The following UBA6 variants were observed in gnomAD, a reference collection of about 807,000 sequenced individuals.
The protein encoded by UBA6 is ubiquitin like modifier activating enzyme 6.
In UBA6, 87 loss-of-function variants were observed where a neutral mutation model predicts 148.3. The ratio of observed to expected loss-of-function variants is 0.59; its 90% CI spans 0.49 to 0.70. The LOEUF is 0.70. Ranked by LOEUF, UBA6 falls within the 30% of genes least tolerant of loss-of-function variation. The pLI is 0.00. For missense variants in UBA6, 1,186 were observed against 1,241.2 expected, an observed-to-expected ratio of 0.96 and a Z score of 0.67; for synonymous variants, 376 against 401.0, an observed-to-expected ratio of 0.94 and a Z score of 0.75.
In UBA6 at chr4:67,623,117, T is replaced by C. The variant is rs764903672; in HGVS notation, c.2928+18A>G. 1 of 1,584,806 alleles carries C rather than the reference T, an allele frequency of 6.3e-7. No individual in the cohort carries two copies. Among genetic ancestry groups the C allele is most frequent in the Non-Finnish European group, 8.6e-7 (1 of 1,158,272 alleles). ...GACATAAAGCTACTAATGAACTAAA[T>C]GAACAAAAGTATCTCACTTTGACTG... On this transcript the variant is annotated intron_variant, in intron 31 of 32. Coordinates refer to ENST00000322244, the MANE Select transcript of UBA6 (RefSeq NM_018227.6).
Position 67,616,238 on chromosome 4 carries a change from G to A in UBA6, c.*2759C>T. The A allele has an allele frequency of 2.5e-6, 1 of 392,258 alleles. No homozygotes were observed. The highest frequency in any genetic ancestry group is 4.5e-6 in the Non-Finnish European group (1 of 222,818). The allele number at this position is 392,258 out of a possible 1,614,324, so 24.3% of individuals were successfully genotyped here. Reference sequence around the variant, plus strand: ...AGTAAAATCGCTAAATCCATACACAGTGATTATATAAAATTAGATATTTGC... The same window carrying A: ...AGTAAAATCGCTAAATCCATACACAATGATTATATAAAATTAGATATTTGC... On this transcript the variant is annotated 3_prime_UTR_variant, in exon 33 of 33. Coordinates refer to ENST00000322244, the MANE Select transcript of UBA6 (RefSeq NM_018227.6).
At chr4:67,624,965 C>A (rs938433846) in intron 29 of UBA6, 29 bp downstream of exon 29, 5 of 1,548,512 alleles carry the variant, frequency 3.2e-6, no homozygotes, top group African/African-American at 1.4e-5. Context: ...GAAAAAGGAG[C>A]ATTTTTATTC....
intron 6 of UBA6, 27 bp from the exon 7 acceptor site, chr4:67,673,804 CT>C: frequency 6.7e-7 from 1 of 1,492,188 alleles, no homozygotes. Context: ...AAATTAAAAA[CT>C]AGAAAATACA....
At chr4:67,658,760 G>A (rs536984269) in intron 13 of UBA6, among the ~76,000 whole-genome samples, 1 of 152,154 alleles carries the variant, frequency 6.6e-6, no homozygotes, top group African/African-American at 2.4e-5. Context: ...ATAGAAACCA[G>A]ACTCAAAAGA....
intron 19 of UBA6, 48 bp downstream of exon 19, chr4:67,638,895 G>A: frequency 7.1e-7 from 1 of 1,401,996 alleles, no homozygotes; most frequent in Non-Finnish European, 9.9e-7. Context: ...GGAAACAGAA[G>A]TGAAAACTAA....
chr4:67,630,460 T>C lies in UBA6; in HGVS notation c.2328+6A>G. The C allele has an allele frequency of 6.3e-7, 1 of 1,578,726 alleles. No individual in the cohort carries two copies. Among genetic ancestry groups the C allele is most frequent in the Non-Finnish European group, 8.6e-7 (1 of 1,160,248 alleles). On this transcript the variant is annotated splice_donor_region_variant and intron_variant, in intron 26 of 32. Transcript: ENST00000322244. ...ATCACTTGCTAAGGCTTAAAGAATA[T>C]CTTACCTCTTCTGCAAATGGAATAC...
intron 32 of UBA6, among the ~76,000 whole-genome samples, chr4:67,622,403 T>C (rs1728771325): frequency 6.6e-6 from 1 of 152,238 alleles, no homozygotes; most frequent in South Asian, 2.1e-4. Context: ...GCCTTATTGT[T>C]ATGCAAACTC....
chr4:67,670,230 C>A (rs1023911226), intron 8 of UBA6, among the ~76,000 whole-genome samples: 10 of 152,316 alleles, frequency 6.6e-5, no homozygotes, highest in African/African-American at 2.4e-4. Flanking sequence ...AGGCGTGAGC[C>A]ACCATGCCTG....
At chr4:67,676,009 A>G (rs1730270268) in intron 6 of UBA6, among the ~76,000 whole-genome samples, 1 of 142,452 alleles carries the variant, frequency 7.0e-6, no homozygotes, top group African/African-American at 2.6e-5. Flanking sequence ...TATGGCCATT[A>G]TAGTACTACC....
At chr4:67,625,321 AT>A in intron 28 of UBA6, 134 bp from the exon 29 acceptor site, 2 of 682,650 alleles carry the variant, frequency 2.9e-6, no homozygotes, top group Non-Finnish European at 4.4e-6. Flanking sequence ...CATAAGAAAA[AT>A]TCAGGCAACT....
intron 18 of UBA6, among the ~76,000 whole-genome samples, chr4:67,640,790 C>T (rs549616375): frequency 6.6e-6 from 1 of 152,188 alleles, no homozygotes; most frequent in African/African-American, 2.4e-5. Context: ...AAACTTTTAT[C>T]TGATTTATGA....
rs751430478 is a variant in UBA6, at chr4:67,670,613, G to A, written c.547-21C>T. On this transcript the variant is annotated intron_variant, in intron 7 of 32. Transcript: ENST00000322244. ...ATAAACTGTAAAATGGCAAAAACAA[G>A]TTCAATCTTATTTATATAAAGAAAA... 3.8e-6 allele frequency: 6 copies of A among 1,581,324 alleles called. No individual in the cohort carries two copies. The South Asian group carries it at 6.9e-5, about 18-fold the overall frequency.
At chr4:67,681,100 C>CA (rs1455971707) in intron 4 of UBA6, among the ~76,000 whole-genome samples, 1 of 152,134 alleles carries the variant, frequency 6.6e-6, no homozygotes, top group Non-Finnish European at 1.5e-5. Context: ...TATGAGACAA[C>CA]AAATGTTGCT....
At chr4:67,651,490 T>C (rs1444074048) in intron 13 of UBA6, among the ~76,000 whole-genome samples, 1 of 152,126 alleles carries the variant, frequency 6.6e-6, no homozygotes, top group Non-Finnish European at 1.5e-5. Flanking sequence ...TCTAACAGTA[T>C]GAAAATTCGG....
intron 30 of UBA6, 44 bp downstream of exon 30, chr4:67,624,082 T>A: frequency 6.9e-7 from 1 of 1,439,414 alleles, no homozygotes; most frequent in Non-Finnish European, 9.2e-7. Context: ...TAAAATATTT[T>A]ATTTCATTCT....
In UBA6 at chr4:67,670,515, T is replaced by G; in HGVS notation, c.624A>C (p.Thr208=). Residue 208 remains threonine, a synonymous_variant, in exon 8 of 33, where the codon ACA becomes ACC. Coordinates refer to ENST00000322244, the MANE Select transcript of UBA6 (RefSeq NM_018227.6). ...AAATTTCTTTTGGTTCTTCTCCTGT[T>G]GTATCTAAAACTTCAAATTCATCAC... The part of the protein sequence containing the change: ...DFGDEFEVLD[T]TGEEPKEIFI... 6.3e-7 allele frequency: 1 copy of G among 1,599,296 alleles called. No homozygotes were observed. The highest frequency in any genetic ancestry group is 8.6e-7 in the Non-Finnish European group (1 of 1,166,658).
intron 13 of UBA6, among the ~76,000 whole-genome samples, chr4:67,660,046 A>G (rs6830861): frequency 0.38 from 57,958 of 152,054 alleles, 11,174 homozygotes; most frequent in Middle Eastern, 0.51. Context: ...GCAGCAAAGC[A>G]TTCAAGGGGT....
intron 1 of UBA6, among the ~76,000 whole-genome samples, chr4:67,697,810 T>C (rs1730876058): frequency 6.6e-6 from 1 of 152,214 alleles, no homozygotes; most frequent in Admixed American, 6.5e-5. Context: ...GTCTCCTTAT[T>C]TCCAGTATTG....
At chr4:67,691,774 G>A (rs1434565099) in intron 2 of UBA6, among the ~76,000 whole-genome samples, 1 of 151,280 alleles carries the variant, frequency 6.6e-6, no homozygotes, top group Non-Finnish European at 1.5e-5. Context: ...AAGATAAAAT[G>A]AATCCAGTGG....
Sources: gnomAD v4.1 joint callset for allele counts (sites outside exome capture counted in the v4.1 genomes callset) on GRCh38, gnomAD v4.1.1 for gene constraint, MANE v1.5 for transcripts, NCBI Gene and HGNC (gene_info 2026-07-23, HGNC 2026-07-21) for gene names.